The following DYM variants were observed in gnomAD, a reference collection of about 807,000 sequenced individuals.
The protein encoded by DYM is dyggve-Melchior-Clausen syndrome protein.
DYM carries 78 observed loss-of-function variants against 93.1 expected under a neutral mutation model. The observed-to-expected ratio is 0.84, with a 90% CI of 0.70 to 1.01. The LOEUF (loss-of-function observed/expected upper bound fraction) is 1.01, where lower values mean the gene tolerates loss of function less well. DYM is among the 50% of genes least tolerant of loss of function. DYM has a pLI of 0.00. For missense variants in DYM, 789 were observed against 845.0 expected (o/e 0.93, Z 0.82); for synonymous variants, 321 against 319.7 (o/e 1.00, Z -0.04).
intron 15 of DYM, among the ~76,000 whole-genome samples, chr18:49,155,673 T>A (rs928450363): frequency 1.3e-5 from 2 of 152,242 alleles, no homozygotes; most frequent in Non-Finnish European, 2.9e-5. Context: ...CTTAGCATAA[T>A]GTTTTCAAGG....
intron 13 of DYM, among the ~76,000 whole-genome samples, chr18:49,237,734 C>G (rs143688249): frequency 6.6e-6 from 1 of 152,288 alleles, no homozygotes; most frequent in Non-Finnish European, 1.5e-5. Flanking sequence ...CACCCCATAA[C>G]CACTTTTATC....
At chr18:49,287,705 C>A (rs1568176046) in intron 8 of DYM, among the ~76,000 whole-genome samples, 2 of 151,514 alleles carry the variant, frequency 1.3e-5, no homozygotes, top group Non-Finnish European at 2.9e-5. Context: ...ATTAGCCAGG[C>A]GTGGTGGCGG....
intron 15 of DYM, among the ~76,000 whole-genome samples, chr18:49,133,873 C>T (rs2083590971): frequency 6.6e-6 from 1 of 152,146 alleles, no homozygotes; most frequent in Non-Finnish European, 1.5e-5. Flanking sequence ...CTTAACATAC[C>T]TACAGGTTCT....
intron 14 of DYM, among the ~76,000 whole-genome samples, chr18:49,167,236 C>CT (rs1461481194): frequency 3.9e-5 from 6 of 151,946 alleles, no homozygotes; most frequent in Non-Finnish European, 4.4e-5. Context: ...GTTTTGCTTG[C>CT]TAGTAGGACA....
At position 49,136,300 on chromosome 18, in the gene DYM, C is replaced by T. The variant is rs371534922; in HGVS notation, c.1729-17374G>A. On this transcript the variant is annotated intron_variant, in intron 15 of 17. Coordinates refer to ENST00000675505, the MANE Select transcript of DYM (RefSeq NM_001353214.3). ...TTCAGTCCAAATAGCACTGGACTTA[C>T]ATTTTCAAAGCCCCAAAGGAACCCA... Among the ~76,000 whole-genome samples the T allele has an allele frequency of 2.6e-5, 4 of 152,232 alleles. No homozygotes were observed. The South Asian group carries it at 6.2e-4, about 24-fold the overall frequency.
At chr18:49,445,899 G>T (rs1162739066) in intron 1 of DYM, among the ~76,000 whole-genome samples, 2 of 151,974 alleles carry the variant, frequency 1.3e-5, no homozygotes, top group African/African-American at 4.8e-5. Flanking sequence ...CACCAGCAGT[G>T]AACAATATTT....
At chr18:49,146,819 C>T (rs1176026568) in intron 15 of DYM, among the ~76,000 whole-genome samples, 10 of 152,094 alleles carry the variant, frequency 6.6e-5, no homozygotes, top group Non-Finnish European at 7.4e-5. Context: ...TACCAATGAC[C>T]TTCTTCACAG....
intron 17 of DYM, among the ~76,000 whole-genome samples, chr18:49,066,101 A>T (rs1314002530): frequency 1.3e-5 from 2 of 151,770 alleles, no homozygotes; most frequent in African/African-American, 4.8e-5. Context: ...ACAACTAAAT[A>T]GGTTGGTGCA....
At chr18:49,159,171 T>A (rs576622549) in intron 15 of DYM, among the ~76,000 whole-genome samples, 1 of 152,338 alleles carries the variant, frequency 6.6e-6, no homozygotes, top group South Asian at 2.1e-4. Context: ...TACAAAACAA[T>A]TGACTGAAGA....
At chr18:49,262,714 C>G (rs560336764) in intron 11 of DYM, among the ~76,000 whole-genome samples, 1 of 152,124 alleles carries the variant, frequency 6.6e-6, no homozygotes, top group Non-Finnish European at 1.5e-5. Context: ...GAACTGTGGT[C>G]CACATCCATT....
Position 49,154,366 on chromosome 18 carries a change from G to C in DYM, c.1728+9319C>G, listed in dbSNP as rs139181929. 7.0e-3 allele frequency among the ~76,000 whole-genome samples: 1,068 copies of C among 152,110 alleles called. 13 individuals carry two copies. The highest frequency in any genetic ancestry group is 0.024 in the African/African-American group (981 of 41,454). The stretch of plus-strand genomic sequence containing the variant: ...TGATCATGTAAGATATTAGCAAAAG[G>C]GAGAATTGGGTGAAGTATATATGAA... On this transcript the variant is annotated intron_variant, in intron 15 of 17. Coordinates refer to ENST00000675505, the MANE Select transcript of DYM (RefSeq NM_001353214.3).
chr18:49,400,788 G>C (rs1343228032), intron 2 of DYM, among the ~76,000 whole-genome samples: 4 of 152,112 alleles, frequency 2.6e-5, no homozygotes, highest in African/African-American at 9.7e-5. Flanking sequence ...AGAATAATCT[G>C]CTTTCCTATT....
Position 49,430,261 on chromosome 18 carries a change from G to A in DYM, c.134C>T (p.Thr45Ile). 1.9e-6 allele frequency: 3 copies of A among 1,613,826 alleles called. No homozygotes were observed. Among genetic ancestry groups the A allele is most frequent in the Non-Finnish European group, 2.5e-6 (3 of 1,179,902 alleles). ...QLLSFSFPAP[T>I]SSSELKLLEE... ...TCTCCAGGCAATCTCTTACCTGCTA[G>A]TTGGTGCAGGGAAAGAAAATGAGAG... Residue 45 changes from threonine to isoleucine, a missense_variant, in exon 2 of 18, where the codon ACT (threonine) becomes ATT (isoleucine). By Grantham distance (89) the Thr-to-Ile change is moderately conservative. Coordinates refer to ENST00000675505, the MANE Select transcript of DYM (RefSeq NM_001353214.3).
chr18:49,249,063 A>G (rs888514605), intron 13 of DYM, among the ~76,000 whole-genome samples: 1 of 152,166 alleles, frequency 6.6e-6, no homozygotes, highest in African/African-American at 2.4e-5. Context: ...TTCCAGATCA[A>G]TCCCAGGAGT....
In DYM at chr18:49,040,472, T is replaced by G. The variant is rs1025964628; in HGVS notation, c.*3583A>C. On this transcript the variant is annotated 3_prime_UTR_variant, in exon 18 of 18. Transcript: ENST00000675505. ...TTCATACAAAATAAATATGCATTAT[T>G]TGCTGTGGATTGTGTGTTATAATCT... Among the ~76,000 whole-genome samples the G allele has an allele frequency of 4.6e-5, 7 of 152,244 alleles. No individual in the cohort carries two copies. Among genetic ancestry groups the G allele is most frequent in the African/African-American group, 1.7e-4 (7 of 41,460 alleles).
intron 17 of DYM, among the ~76,000 whole-genome samples, chr18:49,080,118 C>T (rs1405833617): frequency 1.9e-4 from 13 of 68,184 alleles, no homozygotes; most frequent in Non-Finnish European, 5.0e-4. Flanking sequence ...GGGGCTGACC[C>T]CCCCACCTCC....
intron 11 of DYM, among the ~76,000 whole-genome samples, chr18:49,262,021 C>T (rs1452138600): frequency 6.6e-6 from 1 of 152,162 alleles, no homozygotes; most frequent in Non-Finnish European, 1.5e-5. Flanking sequence ...CCCCCCAAAT[C>T]TATGTCATTC....
At chr18:49,257,532 C>T (rs891140363) in intron 12 of DYM, among the ~76,000 whole-genome samples, 3 of 152,006 alleles carry the variant, frequency 2.0e-5, no homozygotes, top group Non-Finnish European at 4.4e-5. Context: ...AATAGCCCCA[C>T]GGAGGAAAAT....
intron 8 of DYM, among the ~76,000 whole-genome samples, chr18:49,330,896 A>T (rs2146805014): frequency 6.6e-6 from 1 of 152,312 alleles, no homozygotes; most frequent in East Asian, 1.9e-4. Context: ...ATATTAAAAG[A>T]AATCAAAGGA....
Sources: allele counts gnomAD v4.1 joint callset (sites outside exome capture counted in the v4.1 genomes callset), GRCh38; gene constraint gnomAD v4.1.1; transcripts MANE v1.5; gene names NCBI Gene and HGNC (gene_info 2026-07-23, HGNC 2026-07-21).